The following ANKS1A variants were observed in gnomAD, a reference collection of about 807,000 sequenced individuals.
ANKS1A encodes the protein ankyrin repeat and sterile alpha motif domain containing 1A, also known as ankyrin repeat and SAM domain-containing protein 1A.
ANKS1A carries 55 observed loss-of-function variants against 120.3 expected under a neutral mutation model. The observed-to-expected ratio is 0.46, with a 90% CI of 0.37 to 0.57. The LOEUF is 0.57. Among genes scored for constraint, ANKS1A ranks in the 20% least tolerant of loss-of-function variants. The probability of loss-of-function intolerance (pLI) is 0.00; values close to 1 mark genes in which losing one functional copy is unlikely to be tolerated. For missense variants in ANKS1A, 1,123 were observed against 1,480.3 expected (o/e 0.76, Z 3.96); for synonymous variants, 590 against 604.7 (o/e 0.98, Z 0.36).
chr6:35,045,515 T>G (rs1301231087), intron 11 of ANKS1A, among the ~76,000 whole-genome samples: 2 of 152,198 alleles, frequency 1.3e-5, no homozygotes. Context: ...TCATAAGTCC[T>G]TGTTCTTTCC....
chr6:35,027,682 T>TA (rs1774698542), intron 11 of ANKS1A, among the ~76,000 whole-genome samples: 1 of 152,166 alleles, frequency 6.6e-6, no homozygotes, highest in South Asian at 2.1e-4. Context: ...ACCCCAGTGT[T>TA]ATGCCAGCAT....
At chr6:34,905,439 A>G (rs565324192) in intron 1 of ANKS1A, among the ~76,000 whole-genome samples, 21 of 152,352 alleles carry the variant, frequency 1.4e-4, no homozygotes, top group Admixed American at 3.9e-4. Flanking sequence ...ACAGTATTGT[A>G]GGTGAGTGTG....
In ANKS1A at chr6:34,889,310, G is replaced by T. The variant is rs955014022; in HGVS notation, c.-93G>T. The T allele has an allele frequency of 1.4e-5, 17 of 1,223,144 alleles. No homozygotes were observed. The highest frequency in any genetic ancestry group is 3.2e-4 in the Middle Eastern group (1 of 3,172). The allele number at this position is 1,223,144 out of a possible 1,614,324, so 75.8% of individuals were successfully genotyped here. A position where few individuals can be genotyped will look rare whatever the true frequency, so the allele number is the denominator to read the frequency against. On this transcript the variant is annotated 5_prime_UTR_variant, in exon 1 of 24. Coordinates refer to ENST00000360359, the MANE Select transcript of ANKS1A (RefSeq NM_015245.3). The surrounding 1 kb of genome is among the most constrained non-coding windows in gnomAD (Gnocchi z 5.5). ...GGGGGTGGTGTCCCCAGCCGGTTTG[G>T]GGGGTGCGTTGCCCGGAGACGGAAA...
intron 11 of ANKS1A, among the ~76,000 whole-genome samples, chr6:35,047,066 C>T (rs542299400): frequency 3.9e-5 from 6 of 152,176 alleles, no homozygotes; most frequent in Non-Finnish European, 8.8e-5. Flanking sequence ...AGTCTAGGGA[C>T]TCTGTCAACT....
intron 1 of ANKS1A, among the ~76,000 whole-genome samples, chr6:34,966,956 G>T (rs1289342745): frequency 6.6e-6 from 1 of 152,122 alleles, no homozygotes; most frequent in Admixed American, 6.5e-5. Context: ...ACCTTTCAAT[G>T]AGCTGTTTTT....
chr6:35,072,858 G>C (rs376143841), intron 13 of ANKS1A, among the ~76,000 whole-genome samples: 3 of 152,166 alleles, frequency 2.0e-5, no homozygotes, highest in Non-Finnish European at 4.4e-5. Context: ...TGCTCCTGCT[G>C]TCTGGCAGGC....
rs1776440682 is a variant in ANKS1A, at chr6:35,060,462, G to A, written c.2184+209G>A. Among the ~76,000 whole-genome samples the A allele has an allele frequency of 6.6e-6, 1 of 152,196 alleles. No individual in the cohort carries two copies. The highest frequency in any genetic ancestry group is 2.4e-5 in the African/African-American group (1 of 41,446). On this transcript the variant is annotated intron_variant, in intron 13 of 23. Transcript: ENST00000360359. This position sits in a 1 kb window ranked among gnomAD's most constrained non-coding sequence, Gnocchi z 4.5. ...TCCCTCTCCCTCTGCCCCAGAAACG[G>A]CTCCAGAGGGAGCTCTCTTTGCAGA... is the stretch of plus-strand genomic sequence containing the variant.
intron 8 of ANKS1A, among the ~76,000 whole-genome samples, chr6:34,986,205 G>A (rs1291879096): frequency 6.6e-6 from 1 of 152,224 alleles, no homozygotes; most frequent in Non-Finnish European, 1.5e-5. Flanking sequence ...AGTTTCTACT[G>A]AATGCTTATT....
At chr6:35,010,238 G>C (rs772652433) in intron 10 of ANKS1A, among the ~76,000 whole-genome samples, 10 of 152,090 alleles carry the variant, frequency 6.6e-5, no homozygotes, top group Non-Finnish European at 1.3e-4. Context: ...AAGAAACATA[G>C]GAAGATAACT....
At chr6:34,944,069 C>T (rs1016162074) in intron 1 of ANKS1A, among the ~76,000 whole-genome samples, 4 of 152,102 alleles carry the variant, frequency 2.6e-5, no homozygotes, top group African/African-American at 7.2e-5. Flanking sequence ...GTCAGGAGAT[C>T]GAGACCATCC....
At chr6:35,010,145 G>A (rs1337003007) in intron 10 of ANKS1A, among the ~76,000 whole-genome samples, 2 of 151,956 alleles carry the variant, frequency 1.3e-5, no homozygotes, top group Non-Finnish European at 2.9e-5. Flanking sequence ...CAGCCTGGGC[G>A]ACAGAGTGAG....
intron 1 of ANKS1A, among the ~76,000 whole-genome samples, chr6:34,928,033 G>A (rs1461762434): frequency 2.0e-5 from 3 of 152,084 alleles, no homozygotes; most frequent in Non-Finnish European, 4.4e-5. Flanking sequence ...CCCCACATGC[G>A]GTACTGGCTT....
Position 35,084,346 on chromosome 6 carries a change from G to A in ANKS1A, c.3132+88G>A, listed in dbSNP as rs1777851847. On this transcript the variant is annotated intron_variant, in intron 21 of 23. Transcript: ENST00000360359. This position sits in a 1 kb window ranked among gnomAD's most constrained non-coding sequence, Gnocchi z 4.8. ...CATTGCAGGGCACAGATGCGGCGCT[G>A]TCCTGGCCCCTGGCCAGTGCCTGGC... The A allele has an allele frequency of 6.5e-7, 1 of 1,530,730 alleles. No individual in the cohort carries two copies. The highest frequency in any genetic ancestry group is 8.8e-7 in the Non-Finnish European group (1 of 1,140,558). The allele number at this position is 1,530,730 out of a possible 1,614,324, so 94.8% of individuals were successfully genotyped here.
At chr6:35,051,183 G>T in intron 11 of ANKS1A, among the ~76,000 whole-genome samples, 1 of 151,914 alleles carries the variant, frequency 6.6e-6, no homozygotes, top group Non-Finnish European at 1.5e-5. Flanking sequence ...GACAGAGCAA[G>T]ACCATGTCTC....
chr6:35,024,489 A>G (rs1463770703), intron 11 of ANKS1A, among the ~76,000 whole-genome samples: 1 of 152,252 alleles, frequency 6.6e-6, no homozygotes, highest in Non-Finnish European at 1.5e-5. Flanking sequence ...GTGTTTTGTA[A>G]TCAGCTTTCA....
At chr6:34,937,379 A>G (rs947712450) in intron 1 of ANKS1A, among the ~76,000 whole-genome samples, 4 of 151,876 alleles carry the variant, frequency 2.6e-5, no homozygotes, top group Admixed American at 6.6e-5. Context: ...TTATTATCTT[A>G]GGGCCCTTGT....
rs1273398810 is a variant in ANKS1A, at chr6:34,889,707, T to G, written c.197+108T>G. The G allele has an allele frequency of 8.6e-7, 1 of 1,168,460 alleles. No homozygotes were observed. Among genetic ancestry groups the G allele is most frequent in the African/African-American group, 1.6e-5 (1 of 61,766 alleles). The allele number at this position is 1,168,460 out of a possible 1,614,324, so 72.4% of individuals were successfully genotyped here. A position where few individuals can be genotyped will look rare whatever the true frequency, so the allele number is the denominator to read the frequency against. Reference sequence around the variant, plus strand: ...TCCTGAGACTCGGGCGGGGTGGGCTTGTGGCGTGCCCGGGGCGAGGCAGGC... The same window carrying G: ...TCCTGAGACTCGGGCGGGGTGGGCTGGTGGCGTGCCCGGGGCGAGGCAGGC... On this transcript the variant is annotated intron_variant, in intron 1 of 23. Transcript: ENST00000360359. The surrounding 1 kb of genome is among the most constrained non-coding windows in gnomAD (Gnocchi z 5.5).
rs755736529 is a variant in ANKS1A at position 34,982,701 on chromosome 6, C to T, written c.733-51C>T. ...GTGTCCCCTTTGTCACGTGAAGCCG[C>T]ACCAAACTGTTCTGATGACATCCCG... On this transcript the variant is annotated intron_variant, in intron 4 of 23. Transcript: ENST00000360359. The surrounding 1 kb of genome is among the most constrained non-coding windows in gnomAD (Gnocchi z 4.9). 3.8e-6 allele frequency: 6 copies of T among 1,591,570 alleles called. No homozygotes were observed. In the South Asian group the frequency reaches 6.6e-5, roughly 18 times the overall value.
In ANKS1A at chr6:35,056,470, A is replaced by C. The variant is rs535843952; in HGVS notation, c.2077+2305A>C. 3.3e-3 allele frequency among the ~76,000 whole-genome samples: 507 copies of C among 152,128 alleles called. 3 individuals are homozygous for C. The highest frequency in any genetic ancestry group is 0.012 in the African/African-American group (479 of 41,520). The stretch of plus-strand genomic sequence containing the variant: ...CGCCCGGCTAATTTTTTGTATTTTT[A>C]GTAGAGACAGGGTTTCACCGTGTTA... On this transcript the variant is annotated intron_variant, in intron 12 of 23. Coordinates refer to ENST00000360359, the MANE Select transcript of ANKS1A (RefSeq NM_015245.3).
Sources: gnomAD v4.1 joint callset for allele counts (sites outside exome capture counted in the v4.1 genomes callset) on GRCh38, gnomAD v4.1.1 for gene constraint, Gnocchi (gnomAD v3.1) non-coding constraint, MANE v1.5 for transcripts, NCBI Gene and HGNC (gene_info 2026-07-23, HGNC 2026-07-21) for gene names.